DIAPH2: variants seen among roughly 807,000 people sequenced by gnomAD.
DIAPH2 encodes protein diaphanous homolog 2.
A neutral mutation model predicts 92.7 loss-of-function variants in DIAPH2; 35 were observed. That is an observed-to-expected ratio of 0.38 (90% CI 0.29 to 0.50). The LOEUF (loss-of-function observed/expected upper bound fraction) is 0.50. DIAPH2 is among the 20% of genes least tolerant of loss of function. The probability of loss-of-function intolerance (pLI) is 0.94; values close to 1 mark genes in which losing one functional copy is unlikely to be tolerated. For synonymous variants in DIAPH2, 301 were observed against 280.4 expected (o/e 1.07, Z -0.73); for missense variants, 701 against 819.5 (o/e 0.86, Z 1.77).
rs895488816 is a variant in DIAPH2 at position 97,601,247 on chromosome X, A to G, written c.*1930A>G. 4 of 111,839 alleles carry G rather than the reference A, an allele frequency of 3.6e-5. No homozygotes were observed. The highest frequency in any genetic ancestry group is 7.5e-5 in the Non-Finnish European group (4 of 53,099). 9.2% of individuals were successfully genotyped at this position (111,839 alleles called of 1,213,427 possible). A position where few individuals can be genotyped will look rare whatever the true frequency, so the allele number is the denominator to read the frequency against. ...TGTAGGAGAATGATCTTGAAATGTT[A>G]ACCCTGACTAAAATTTGGGAGCATA... On this transcript the variant is annotated 3_prime_UTR_variant, in exon 27 of 27. Coordinates refer to ENST00000324765, the MANE Select transcript of DIAPH2 (RefSeq NM_006729.5).
intron 4 of DIAPH2, among the ~76,000 whole-genome samples, chrX:96,766,429 A>C (rs2064304469): frequency 9.0e-6 from 1 of 110,816 alleles, no homozygotes; most frequent in East Asian, 2.8e-4. Context: ...TCTAGAGTTT[A>C]GGTGGGATGG....
intron 20 of DIAPH2, among the ~76,000 whole-genome samples, chrX:97,103,832 C>T (rs2066921502): frequency 8.9e-6 from 1 of 112,109 alleles, no homozygotes; most frequent in Non-Finnish European, 1.9e-5. Flanking sequence ...ACCTCTCCTA[C>T]TTTCATCACC....
At chrX:96,915,794 C>T (rs1182803402) in intron 7 of DIAPH2, among the ~76,000 whole-genome samples, 1 of 111,700 alleles carries the variant, frequency 9.0e-6, no homozygotes, top group Non-Finnish European at 1.9e-5. Context: ...CGCATGCACA[C>T]ACATATTCAT....
At chrX:96,764,362 G>T (rs940452795) in intron 4 of DIAPH2, among the ~76,000 whole-genome samples, 9 of 110,584 alleles carry the variant, frequency 8.1e-5, no homozygotes, top group African/African-American at 2.6e-4. Context: ...AAATGCAAAG[G>T]CCTGAAGAGA....
chrX:97,555,578 A>G (rs1295670390), intron 26 of DIAPH2: 1 of 240,800 alleles, frequency 4.2e-6, no homozygotes, highest in African/African-American at 3.0e-5. Context: ...AAACAGATGA[A>G]GAAAAGGATT....
intron 22 of DIAPH2, among the ~76,000 whole-genome samples, chrX:97,169,913 G>A (rs1464668354): frequency 1.8e-5 from 2 of 111,784 alleles, no homozygotes; most frequent in African/African-American, 6.5e-5. Context: ...ACAAAGATTT[G>A]CAAATTGATT....
intron 26 of DIAPH2, among the ~76,000 whole-genome samples, chrX:97,516,124 C>T (rs772487888): frequency 9.1e-5 from 10 of 110,116 alleles, no homozygotes; most frequent in South Asian, 7.9e-4. Flanking sequence ...TGGTGGCACA[C>T]GCCTACTGTA....
intron 22 of DIAPH2, among the ~76,000 whole-genome samples, chrX:97,224,251 A>C (rs1358042328): frequency 1.8e-5 from 2 of 111,882 alleles, no homozygotes; most frequent in Non-Finnish European, 3.8e-5. Flanking sequence ...GCTTTAATAA[A>C]CTAAGCAGAA....
chrX:97,096,257 T>C (rs763768443), intron 19 of DIAPH2, among the ~76,000 whole-genome samples: 27 of 112,437 alleles, frequency 2.4e-4, no homozygotes, highest in African/African-American at 4.9e-4. Flanking sequence ...ACAGAAGCAA[T>C]TGTAGTATCA....
At chrX:96,901,793 C>T (rs1387336541) in intron 5 of DIAPH2, among the ~76,000 whole-genome samples, 2 of 109,979 alleles carry the variant, frequency 1.8e-5, no homozygotes, top group Admixed American at 9.7e-5. Flanking sequence ...CCTTGGCCTC[C>T]GAAAGTTCTG....
intron 26 of DIAPH2, among the ~76,000 whole-genome samples, chrX:97,580,060 G>C (rs1200198467): frequency 1.7e-4 from 19 of 111,837 alleles, no homozygotes; most frequent in Non-Finnish European, 1.9e-5. Flanking sequence ...AGCTTAAGGA[G>C]ATTTTGAGCT....
chrX:97,326,899 G>A (rs2068955985), intron 23 of DIAPH2, among the ~76,000 whole-genome samples: 1 of 111,764 alleles, frequency 8.9e-6, no homozygotes, highest in Admixed American at 9.6e-5. Flanking sequence ...ATCTCTAGAA[G>A]AGGGAAACAG....
At chrX:97,268,860 T>C (rs1402400450) in intron 23 of DIAPH2, among the ~76,000 whole-genome samples, 15 of 98,492 alleles carry the variant, frequency 1.5e-4, no homozygotes, top group East Asian at 3.1e-4. Flanking sequence ...TTCTTTCTTT[T>C]TTTTTTTTTT....
intron 17 of DIAPH2, among the ~76,000 whole-genome samples, chrX:97,046,334 A>C (rs2066484239): frequency 9.0e-6 from 1 of 111,082 alleles, no homozygotes; most frequent in South Asian, 3.8e-4. Flanking sequence ...CTTTGATAGG[A>C]GGATCCTTTT....
chrX:97,180,983 T>C (rs1340948338), intron 22 of DIAPH2, among the ~76,000 whole-genome samples: 1 of 111,952 alleles, frequency 8.9e-6, no homozygotes, highest in African/African-American at 3.3e-5. Flanking sequence ...GTCTTAGCTA[T>C]ATGGGCTCTT....
chrX:97,154,116 G>A (rs746967074), intron 22 of DIAPH2, among the ~76,000 whole-genome samples: 1 of 111,204 alleles, frequency 9.0e-6, no homozygotes. Context: ...GTTTATGCTC[G>A]GCACTGTTTC....
chrX:97,526,547 G>C (rs2071025842), intron 26 of DIAPH2, among the ~76,000 whole-genome samples: 1 of 109,431 alleles, frequency 9.1e-6, no homozygotes, highest in South Asian at 4.0e-4. Flanking sequence ...ACTATTTTTA[G>C]TATCCATTCC....
At chrX:97,237,258 T>G (rs904617629) in intron 22 of DIAPH2, among the ~76,000 whole-genome samples, 44 of 112,129 alleles carry the variant, frequency 3.9e-4, no homozygotes, top group African/African-American at 1.4e-3. Context: ...AACCTACACT[T>G]TTATCATTAG....
chrX:96,950,640 T>C (rs1212907204), intron 15 of DIAPH2, among the ~76,000 whole-genome samples: 1 of 111,811 alleles, frequency 8.9e-6, no homozygotes, highest in Non-Finnish European at 1.9e-5. Flanking sequence ...CTAACTTTTC[T>C]CCCTCCTCAA....
Sources: allele counts gnomAD v4.1 joint callset (sites outside exome capture counted in the v4.1 genomes callset), GRCh38; gene constraint gnomAD v4.1.1; transcripts MANE v1.5; gene names NCBI Gene and HGNC (gene_info 2026-07-23, HGNC 2026-07-21).